ELOVL5: variants seen among roughly 807,000 people sequenced by gnomAD.
The protein encoded by ELOVL5 is very long chain fatty acid elongase 5.
Under a neutral mutation model 38.6 loss-of-function variants are expected in ELOVL5, and 8 were observed. That is an observed-to-expected ratio of 0.21 (90% confidence interval 0.12 to 0.37). The LOEUF is 0.37. Ranked by LOEUF, ELOVL5 falls within the 10% of genes least tolerant of loss-of-function variation. ELOVL5 has a pLI of 1.00. For missense variants in ELOVL5, 280 were observed against 367.8 expected, an observed-to-expected ratio of 0.76 and a Z score of 1.95; for synonymous variants, 127 against 133.7, an observed-to-expected ratio of 0.95 and a Z score of 0.34.
At chr6:53,322,710 C>G (rs982282198) in intron 1 of ELOVL5, among the ~76,000 whole-genome samples, 2 of 152,198 alleles carry the variant, frequency 1.3e-5, no homozygotes, top group South Asian at 4.1e-4. Context: ...TTATGTCACA[C>G]TGAAAAAGAA....
chr6:53,306,579 G>C (rs1767589262), intron 1 of ELOVL5, among the ~76,000 whole-genome samples: 1 of 151,984 alleles, frequency 6.6e-6, no homozygotes, highest in Non-Finnish European at 1.5e-5. Context: ...TTTATTCTAG[G>C]GGAATTCTTA....
intron 3 of ELOVL5, chr6:53,277,523 G>A (rs960967775): frequency 6.6e-6 from 1 of 152,188 alleles, no homozygotes; most frequent in Non-Finnish European, 1.5e-5. Flanking sequence ...ATAAAATGAT[G>A]AGGTTGGACT....
Position 53,294,309 on chromosome 6 carries a change from T to C in ELOVL5, c.58+1333A>G, listed in dbSNP as rs763621526. On this transcript the variant is annotated intron_variant, in intron 2 of 7. Transcript: ENST00000304434. ...CAGGCAGGGGCATGTGAAGCAATTG[T>C]GGCCAGTGAGTTTTGAGGGATGACA... is the stretch of plus-strand genomic sequence containing the variant. 3.2e-6 allele frequency: 5 copies of C among 1,572,000 alleles called. No individual in the cohort carries two copies. The African/African-American group carries it at 6.7e-5, about 21-fold the overall frequency.
chr6:53,308,635 T>C (rs1767699991), intron 1 of ELOVL5, among the ~76,000 whole-genome samples: 1 of 152,164 alleles, frequency 6.6e-6, no homozygotes, highest in Non-Finnish European at 1.5e-5. Context: ...AAAAGATCGT[T>C]AGGTAATTCT....
intron 1 of ELOVL5, among the ~76,000 whole-genome samples, chr6:53,317,764 T>G (rs1768115627): frequency 6.6e-6 from 1 of 151,018 alleles, no homozygotes; most frequent in Non-Finnish European, 1.5e-5. Context: ...CTGCACATTG[T>G]GCACATGTAC....
intron 3 of ELOVL5, among the ~76,000 whole-genome samples, chr6:53,280,454 C>T (rs916338473): frequency 6.6e-6 from 1 of 152,170 alleles, no homozygotes; most frequent in Non-Finnish European, 1.5e-5. Flanking sequence ...ATGTGCAGAG[C>T]TATAATTAAA....
intron 1 of ELOVL5, among the ~76,000 whole-genome samples, chr6:53,312,573 T>A (rs1222329795): frequency 6.6e-6 from 1 of 152,202 alleles, no homozygotes; most frequent in African/African-American, 2.4e-5. Context: ...CTGATAGCAA[T>A]GTTGTGTATC....
intron 1 of ELOVL5, among the ~76,000 whole-genome samples, chr6:53,345,361 G>A (rs1272203042): frequency 6.6e-6 from 1 of 152,156 alleles, no homozygotes; most frequent in African/African-American, 2.4e-5. Flanking sequence ...AAAGCATCCT[G>A]ACCAATTCAG....
intron 3 of ELOVL5, among the ~76,000 whole-genome samples, chr6:53,282,452 C>T (rs537149053): frequency 6.6e-6 from 1 of 152,332 alleles, no homozygotes; most frequent in African/African-American, 2.4e-5. Context: ...CTTCCCCTCC[C>T]CTGGGTGTGG....
intron 1 of ELOVL5, among the ~76,000 whole-genome samples, chr6:53,307,790 G>C (rs1279657681): frequency 6.6e-6 from 1 of 152,198 alleles, no homozygotes; most frequent in Non-Finnish European, 1.5e-5. Context: ...TTAGTACAGA[G>C]CAGAAATAAA....
At chr6:53,324,661 G>T (rs209503) in intron 1 of ELOVL5, among the ~76,000 whole-genome samples, 75,183 of 115,482 alleles carry the variant, frequency 0.65, 21,680 homozygotes, top group Non-Finnish European at 0.68. Flanking sequence ...GTGACAAGAG[G>T]GAGATCCTGT....
intron 3 of ELOVL5, among the ~76,000 whole-genome samples, chr6:53,279,415 T>G (rs1482039200): frequency 6.6e-6 from 1 of 152,232 alleles, no homozygotes; most frequent in East Asian, 1.9e-4. Context: ...TACCCTCACC[T>G]TGCAGTGACC....
chr6:53,288,041 A>C lies in ELOVL5; in HGVS notation c.246+3735T>G. On this transcript the variant is annotated intron_variant, in intron 3 of 7. Coordinates refer to ENST00000304434, the MANE Select transcript of ELOVL5 (RefSeq NM_021814.5). ...ACATTGAATGGCTTCACATGAGGACAGAGCATCTGCCTAAGAGGGAAACCA... is the reference window on the plus strand; with the variant it reads ...ACATTGAATGGCTTCACATGAGGACCGAGCATCTGCCTAAGAGGGAAACCA... 19 of 1,037,976 alleles carry C rather than the reference A, an allele frequency of 1.8e-5. 1 individual carries two copies. In the South Asian group the frequency reaches 2.6e-4, roughly 14 times the overall value. The allele number at this position is 1,037,976 out of a possible 1,614,324, so 64.3% of individuals were successfully genotyped here. A position where few individuals can be genotyped will look rare whatever the true frequency, so the allele number is the denominator to read the frequency against.
chr6:53,284,313 T>TA (rs1561867160), intron 3 of ELOVL5, among the ~76,000 whole-genome samples: 2 of 53,228 alleles, frequency 3.8e-5, no homozygotes, highest in African/African-American at 2.4e-4. Flanking sequence ...TTTTTTTTTT[T>TA]TAAAAAAAAA....
At position 53,273,356 on chromosome 6, in the gene ELOVL5, G is replaced by A. The variant is rs1765994345; in HGVS notation, c.497-12C>T. 2 of 1,611,898 alleles carry A rather than the reference G, an allele frequency of 1.2e-6. No individual in the cohort carries two copies. The highest frequency in any genetic ancestry group is 1.7e-6 in the Non-Finnish European group (2 of 1,178,594). ...GGCACCAAAATAAGCTGCAGGAACA[G>A]AGGGATTTGGGAAGGAGAATGTATT... On this transcript the variant is annotated splice_polypyrimidine_tract_variant and intron_variant, in intron 5 of 7. Transcript: ENST00000304434.
chr6:53,304,232 G>C (rs1767385441), intron 1 of ELOVL5, among the ~76,000 whole-genome samples: 1 of 152,196 alleles, frequency 6.6e-6, no homozygotes, highest in Admixed American at 6.5e-5. Flanking sequence ...CACAATGGCA[G>C]CATCCTAAAA....
chr6:53,288,024 TG>T, intron 3 of ELOVL5: 1 of 1,144,400 alleles, frequency 8.7e-7, no homozygotes, highest in Non-Finnish European at 1.3e-6. Flanking sequence ...ACACATTGAA[TG>T]GCTTCACATG....
At chr6:53,304,882 C>T (rs1767420488) in intron 1 of ELOVL5, among the ~76,000 whole-genome samples, 1 of 152,234 alleles carries the variant, frequency 6.6e-6, no homozygotes, top group South Asian at 2.1e-4. Context: ...ACCTTTCCCC[C>T]TTTTCTATTC....
At chr6:53,291,294 A>G (rs768819815) in intron 3 of ELOVL5, among the ~76,000 whole-genome samples, 4 of 152,230 alleles carry the variant, frequency 2.6e-5, no homozygotes, top group Non-Finnish European at 5.9e-5. Context: ...GCTTTTAAAA[A>G]ACAACTGAGA....
Sources: gnomAD v4.1 joint callset for allele counts (sites outside exome capture counted in the v4.1 genomes callset) on GRCh38, gnomAD v4.1.1 for gene constraint, MANE v1.5 for transcripts, NCBI Gene and HGNC (gene_info 2026-07-23, HGNC 2026-07-21) for gene names.